THEMIS: variants seen among roughly 807,000 people sequenced by gnomAD.
THEMIS encodes the protein thymocyte selection associated, also known as protein THEMIS.
THEMIS carries 37 observed loss-of-function variants against 52.6 expected under a neutral mutation model. That is an observed-to-expected ratio of 0.70 (90% CI 0.54 to 0.93). The LOEUF is 0.93. THEMIS is among the 40% of genes least tolerant of loss of function. THEMIS has a pLI of 0.00. For missense variants in THEMIS, 808 were observed against 763.1 expected, an observed-to-expected ratio of 1.06 and a Z score of -0.69; for synonymous variants, 292 against 272.7, an observed-to-expected ratio of 1.07 and a Z score of -0.70.
upstream of THEMIS, among the ~76,000 whole-genome samples, chr6:127,903,454 T>A (rs1781194692): frequency 6.6e-6 from 1 of 151,966 alleles, no homozygotes; most frequent in African/African-American, 2.4e-5. Context: ...TTGAAAAAGG[T>A]GAAATTCCAA....
chr6:127,718,223 C>T (rs1774237942), intron 5 of THEMIS, among the ~76,000 whole-genome samples: 1 of 151,714 alleles, frequency 6.6e-6, no homozygotes, highest in South Asian at 2.1e-4. Flanking sequence ...AAAAATATTG[C>T]CAAGATGTTC....
rs1477934387 is a variant in THEMIS, at chr6:127,719,791, G to C, written c.1791C>G (p.His597Gln). 1.2e-6 allele frequency: 2 copies of C among 1,612,122 alleles called. No individual in the cohort carries two copies. Among genetic ancestry groups the C allele is most frequent in the African/African-American group, 2.7e-5 (2 of 74,734 alleles). The change falls in exon 5 of 6, where the codon CAC (histidine) becomes CAG (glutamine). Residue 597 changes from histidine (H) to glutamine (Q), a missense_variant. Physicochemically the swap from His to Gln is conservative, Grantham distance 24 (BLOSUM62 0). Transcript: ENST00000368248. Reference sequence around the variant, plus strand: ...TTGAATCCAGGCCAGCTTGATTTGGGTGAAGTTTCTTGGTTATGTCTACGT... The same window carrying C: ...TTGAATCCAGGCCAGCTTGATTTGGCTGAAGTTTCTTGGTTATGTCTACGT... ...RHHVDITKKL[H>Q]PNQAGLDSKV...
chr6:127,743,651 T>C (rs1387353407), intron 4 of THEMIS, among the ~76,000 whole-genome samples: 2 of 152,112 alleles, frequency 1.3e-5, no homozygotes, highest in East Asian at 1.9e-4. Context: ...ACTATAGACA[T>C]CTTATTGTGC....
At chr6:127,815,717 A>G (rs1778104900) in intron 3 of THEMIS, among the ~76,000 whole-genome samples, 1 of 152,188 alleles carries the variant, frequency 6.6e-6, no homozygotes, top group South Asian at 2.1e-4. Context: ...TAGAAACTAA[A>G]ATTCTGGTTG....
the THEMIS span, among the ~76,000 whole-genome samples, chr6:127,701,416 A>G: frequency 6.6e-6 from 1 of 152,122 alleles, no homozygotes; most frequent in Non-Finnish European, 1.5e-5. Context: ...TGGTTACACT[A>G]CAATGTGTTT....
At chr6:127,818,269 A>G (rs993111275) in intron 3 of THEMIS, among the ~76,000 whole-genome samples, 1 of 152,188 alleles carries the variant, frequency 6.6e-6, no homozygotes, top group African/African-American at 2.4e-5. Flanking sequence ...CAGGCTCACT[A>G]ATAACTGAAA....
rs186893277 is a variant in THEMIS at position 127,752,150 on chromosome 6, A to G, written c.1759-32327T>C. The stretch of plus-strand genomic sequence containing the variant: ...AACACAACATATCCAAACTTATAGG[A>G]TGCAGCAAAAGCCATTCTAAAAGGA... On this transcript the variant is annotated intron_variant, in intron 4 of 5. Coordinates refer to ENST00000368248, the MANE Select transcript of THEMIS (RefSeq NM_001010923.3). Among the ~76,000 whole-genome samples the G allele has an allele frequency of 3.7e-3, 558 of 151,840 alleles. 5 individuals carry two copies. The highest frequency in any genetic ancestry group is 0.02 in the Middle Eastern group (6 of 294).
At chr6:127,860,252 T>C (rs1324649529) in intron 1 of THEMIS, among the ~76,000 whole-genome samples, 1 of 152,116 alleles carries the variant, frequency 6.6e-6, no homozygotes, top group Non-Finnish European at 1.5e-5. Flanking sequence ...GATATTTTAA[T>C]GCAGGGTACA....
intron 4 of THEMIS, among the ~76,000 whole-genome samples, chr6:127,768,180 G>A (rs1288424499): frequency 6.6e-6 from 1 of 152,146 alleles, no homozygotes; most frequent in African/African-American, 2.4e-5. Flanking sequence ...AATTCACACA[G>A]ATTATAAATT....
At chr6:127,703,298 T>C (rs113599601), downstream of THEMIS, among the ~76,000 whole-genome samples, 180 of 152,152 alleles carry the variant, frequency 1.2e-3, 4 homozygotes, top group East Asian at 4.7e-3. Context: ...CCGCCCGCCT[T>C]GGCCTCCCAA....
chr6:127,774,744 A>C (rs1776501974), intron 4 of THEMIS, among the ~76,000 whole-genome samples: 1 of 152,002 alleles, frequency 6.6e-6, no homozygotes, highest in African/African-American at 2.4e-5. Flanking sequence ...ATCTGCCTAA[A>C]CCCCCAAATC....
At chr6:127,886,470 T>A (rs1780646975) in intron 1 of THEMIS, among the ~76,000 whole-genome samples, 2 of 152,152 alleles carry the variant, frequency 1.3e-5, no homozygotes, top group Non-Finnish European at 2.9e-5. Flanking sequence ...TTTTTGTGTA[T>A]CTGGAACATT....
intron 4 of THEMIS, among the ~76,000 whole-genome samples, chr6:127,778,582 T>C: frequency 6.6e-6 from 1 of 152,152 alleles, no homozygotes; most frequent in East Asian, 1.9e-4. Flanking sequence ...TGTTTAACTC[T>C]TTTAGATTTG....
chr6:127,740,621 G>A (rs548269419), intron 4 of THEMIS, among the ~76,000 whole-genome samples: 2 of 152,176 alleles, frequency 1.3e-5, no homozygotes, highest in South Asian at 2.1e-4. Context: ...ACATGAGAAC[G>A]TAAATAACGG....
At position 127,899,923 on chromosome 6, in the gene THEMIS, AT is replaced by A. The variant is rs1183578624; in HGVS notation, c.91+918del. Among the ~76,000 whole-genome samples the A allele has an allele frequency of 6.0e-4, 85 of 142,816 alleles. No homozygotes were observed. The East Asian group carries it at 8.0e-3, about 13-fold the overall frequency. The allele number at this position is 142,816 out of a possible 152,430, so 93.7% of individuals were successfully genotyped here. A position where few individuals can be genotyped will look rare whatever the true frequency, so the allele number is the denominator to read the frequency against. ...ATATTTTATATATATATATATATAT[AT>A]AATATATATAAAAACTGGAGCTGAC... On this transcript the variant is annotated intron_variant, in intron 1 of 5. Coordinates refer to ENST00000368248, the MANE Select transcript of THEMIS (RefSeq NM_001010923.3).
intron 2 of THEMIS, among the ~76,000 whole-genome samples, chr6:127,850,501 CA>C (rs551261239): frequency 2.1e-3 from 314 of 151,890 alleles, no homozygotes; most frequent in Non-Finnish European, 3.7e-3. Context: ...GTCCATCAAC[CA>C]ACAAATGGAT....
rs561963829 is a variant in THEMIS, at chr6:127,722,958, A to G, written c.1759-3135T>C. Among the ~76,000 whole-genome samples, 82 of 151,838 alleles carry G rather than the reference A, an allele frequency of 5.4e-4. 2 individuals are homozygous for G. Among genetic ancestry groups the G allele is most frequent in the South Asian group, 1.7e-3 (8 of 4,820 alleles). On this transcript the variant is annotated intron_variant, in intron 4 of 5. Transcript: ENST00000368248. Reference sequence around the variant, plus strand: ...TACAAATGAACTTCTCATTTTTTCTACCTCATGCTTTCAGTCCCAAGATCA... The same window carrying G: ...TACAAATGAACTTCTCATTTTTTCTGCCTCATGCTTTCAGTCCCAAGATCA...
At position 127,813,842 on chromosome 6, in the gene THEMIS, G is replaced by C. The variant is rs1337466750; in HGVS notation, c.799C>G (p.Leu267Val). Residue 267 changes from leucine (L) to valine (V), a missense_variant, in exon 4 of 6, where the codon CTG becomes GTG. Transcript: ENST00000368248. The stretch of plus-strand genomic sequence containing the variant: ...TCAAAAAGATCTTCTGTTGATAACA[G>C]CTGAAGAAACCAGTTAGCATCGTAA... ...DSYDANWFLQ[L>V]LSTEDLFEMT... 3 of 1,613,694 alleles carry C rather than the reference G, an allele frequency of 1.9e-6. No homozygotes were observed.
chr6:127,819,264 C>G (rs770316595), intron 3 of THEMIS, among the ~76,000 whole-genome samples: 1 of 149,918 alleles, frequency 6.7e-6, no homozygotes, highest in Non-Finnish European at 1.5e-5. Flanking sequence ...TAAAAACTTA[C>G]CAAACCAAAA....
Sources: allele counts gnomAD v4.1 joint callset (sites outside exome capture counted in the v4.1 genomes callset), GRCh38; gene constraint gnomAD v4.1.1; transcripts MANE v1.5; gene names NCBI Gene and HGNC (gene_info 2026-07-23, HGNC 2026-07-21).